Variants in DENND2B observed in about 807,000 individuals in gnomAD.
DENND2B encodes the protein DENN domain containing 2B, also known as DENN domain-containing protein 2B.
Under a neutral mutation model 116.0 loss-of-function variants are expected in DENND2B, and 32 were observed. The ratio of observed to expected loss-of-function variants is 0.28; its 90% confidence interval spans 0.21 to 0.37. DENND2B has a LOEUF of 0.37. Among genes scored for constraint, DENND2B ranks in the 10% least tolerant of loss-of-function variants. The probability of loss-of-function intolerance (pLI) is 1.00; values close to 1 mark genes in which losing one functional copy is unlikely to be tolerated. For missense variants in DENND2B, 1,276 were observed against 1,477.7 expected (o/e 0.86, Z 2.24); for synonymous variants, 588 against 583.9 (o/e 1.01, Z -0.10).
intron 1 of DENND2B, among the ~76,000 whole-genome samples, chr11:8,909,004 C>G (rs923331028): frequency 3.3e-5 from 5 of 152,052 alleles, no homozygotes; most frequent in Non-Finnish European, 7.4e-5. Context: ...ATTTTTAGTC[C>G]TTACTGTGAC....
intron 4 of DENND2B, among the ~76,000 whole-genome samples, chr11:8,836,225 A>G (rs2134599399): frequency 6.6e-6 from 1 of 151,798 alleles, no homozygotes; most frequent in African/African-American, 2.4e-5. Context: ...ATAACAGAGA[A>G]GTCCTACTTG....
At chr11:8,745,893 T>C (rs1197600559) in intron 2 of DENND2B, among the ~76,000 whole-genome samples, 4 of 152,198 alleles carry the variant, frequency 2.6e-5, no homozygotes, top group Non-Finnish European at 5.9e-5. Context: ...GAGTCACCCA[T>C]AACTTTCAAG....
At chr11:8,871,741 G>A (rs991770734), upstream of DENND2B, among the ~76,000 whole-genome samples, 1 of 152,086 alleles carries the variant, frequency 6.6e-6, no homozygotes, top group Non-Finnish European at 1.5e-5. Flanking sequence ...TACTCCACTG[G>A]TTTGCAAAAA....
At chr11:8,703,460 G>T (rs1441257537) in intron 13 of DENND2B, 1 of 152,492 alleles carries the variant, frequency 6.6e-6, no homozygotes, top group Non-Finnish European at 1.5e-5. Context: ...GGAGTCACAG[G>T]GGTGGAAGGT....
intron 4 of DENND2B, among the ~76,000 whole-genome samples, chr11:8,836,812 C>T (rs1265928937): frequency 1.3e-5 from 2 of 152,080 alleles, no homozygotes; most frequent in South Asian, 2.1e-4. Context: ...CCTCCCTGGG[C>T]TCAGGTGGTC....
intron 13 of DENND2B, among the ~76,000 whole-genome samples, chr11:8,703,809 T>G (rs770975240): frequency 7.2e-5 from 11 of 152,196 alleles, no homozygotes; most frequent in Non-Finnish European, 1.3e-4. Flanking sequence ...TAACGGTCTG[T>G]GTCCACTGTC....
At chr11:8,800,775 A>G (rs2060244733) in intron 1 of DENND2B, among the ~76,000 whole-genome samples, 1 of 152,212 alleles carries the variant, frequency 6.6e-6, no homozygotes, top group Non-Finnish European at 1.5e-5. Context: ...TAAATTTGGC[A>G]GCAAAAGTTC....
At chr11:8,720,171 C>T (rs2045909492) in intron 4 of DENND2B, among the ~76,000 whole-genome samples, 1 of 152,106 alleles carries the variant, frequency 6.6e-6, no homozygotes, top group Non-Finnish European at 1.5e-5. Flanking sequence ...AACTGAGAAC[C>T]ACTGCTTTAG....
intron 2 of DENND2B, among the ~76,000 whole-genome samples, chr11:8,877,821 T>C (rs974837413): frequency 3.2e-4 from 49 of 152,350 alleles, no homozygotes; most frequent in Non-Finnish European, 3.1e-4. Context: ...TGTTTATTCA[T>C]TCAATAAGCA....
At chr11:8,796,029 G>C (rs544097255) in intron 1 of DENND2B, among the ~76,000 whole-genome samples, 1 of 152,298 alleles carries the variant, frequency 6.6e-6, no homozygotes, top group South Asian at 2.1e-4. Flanking sequence ...ACTTACCAAA[G>C]AAATTCCTCT....
At chr11:8,753,054 T>C (rs2052828703) in intron 1 of DENND2B, among the ~76,000 whole-genome samples, 1 of 152,130 alleles carries the variant, frequency 6.6e-6, no homozygotes, top group South Asian at 2.1e-4. Flanking sequence ...CTGGCCAACA[T>C]GGCAAAACCC....
chr11:8,729,657 A>G (rs2047748231), intron 3 of DENND2B, among the ~76,000 whole-genome samples: 1 of 152,186 alleles, frequency 6.6e-6, no homozygotes, highest in Non-Finnish European at 1.5e-5. Flanking sequence ...AAGCTACAAC[A>G]GGGGCAGGAC....
intron 16 of DENND2B, among the ~76,000 whole-genome samples, chr11:8,698,137 C>CAAAAAA (rs33975736): frequency 0.048 from 1,905 of 39,658 alleles, 204 homozygotes; most frequent in South Asian, 0.073. Context: ...ACCCTGTCTC[C>CAAAAAA]AAAAAAAAAA....
chr11:8,710,585 C>T (rs2043428087), intron 11 of DENND2B, among the ~76,000 whole-genome samples: 1 of 152,128 alleles, frequency 6.6e-6, no homozygotes, highest in Non-Finnish European at 1.5e-5. Context: ...CCCACTCCCT[C>T]CCCTTACTCC....
At chr11:8,758,398 T>C (rs1177457943) in intron 1 of DENND2B, among the ~76,000 whole-genome samples, 1 of 152,140 alleles carries the variant, frequency 6.6e-6, no homozygotes, top group Non-Finnish European at 1.5e-5. Flanking sequence ...AGCCATTTCG[T>C]CAGTCTCCAG....
At chr11:8,863,733 C>T (rs994288075) in intron 2 of DENND2B, among the ~76,000 whole-genome samples, 20 of 152,126 alleles carry the variant, frequency 1.3e-4, no homozygotes, top group African/African-American at 4.8e-4. Context: ...ACCCACAGCA[C>T]CAAATACTCA....
In DENND2B at chr11:8,851,486, C is replaced by T. The variant is rs1016188422; in HGVS notation, c.-156+5857G>A. On this transcript the variant is annotated intron_variant, in intron 3 of 6. Coordinates refer to the DENND2B transcript ENST00000524757. ...CAGATTTGCAAATACCGATTATCTT[C>T]ATTCTTTTTAGTTTGGCAAGAATGG... Among the ~76,000 whole-genome samples the T allele has an allele frequency of 6.6e-5, 10 of 152,260 alleles. No homozygotes were observed. The East Asian group carries it at 1.2e-3, about 18-fold the overall frequency.
At chr11:8,860,509 G>C (rs2063354652) in intron 2 of DENND2B, among the ~76,000 whole-genome samples, 1 of 151,858 alleles carries the variant, frequency 6.6e-6, no homozygotes, top group Admixed American at 6.6e-5. Flanking sequence ...GCACTACAAG[G>C]AGAACTACAA....
chr11:8,869,216 G>A (rs1247406694), intron 2 of DENND2B, among the ~76,000 whole-genome samples: 1 of 152,124 alleles, frequency 6.6e-6, no homozygotes, highest in Non-Finnish European at 1.5e-5. Context: ...CAATCTAAGC[G>A]TTCAGTAAAA....
Sources: gnomAD v4.1 joint callset for allele counts (sites outside exome capture counted in the v4.1 genomes callset) on GRCh38, gnomAD v4.1.1 for gene constraint, MANE v1.5 for transcripts, NCBI Gene and HGNC (gene_info 2026-07-23, HGNC 2026-07-21) for gene names.